ZNF518A: variants seen among roughly 807,000 people sequenced by gnomAD.
The protein encoded by ZNF518A is zinc finger protein 518A, also known as zinc finger protein 518.
Under a neutral mutation model 102.7 loss-of-function variants are expected in ZNF518A, and 47 were observed. The observed-to-expected ratio is 0.46, with a 90% CI of 0.36 to 0.58. The LOEUF (loss-of-function observed/expected upper bound fraction) is 0.58, where lower values mean the gene tolerates loss of function less well. ZNF518A is among the 20% of genes least tolerant of loss of function. ZNF518A has a pLI of 0.00. For missense variants in ZNF518A, 1,793 were observed against 1,699.8 expected (o/e 1.05, Z -0.96); for synonymous variants, 652 against 594.6 (o/e 1.10, Z -1.40).
At chr10:96,151,602 T>C (rs1363742214) in intron 3 of ZNF518A, 2 of 152,206 alleles carry the variant, frequency 1.3e-5, no homozygotes, top group African/African-American at 4.8e-5. Context: ...GAATTATGTC[T>C]CTCACTTCCT....
chr10:96,157,485 C>CA lies in ZNF518A; in HGVS notation c.1164dup (p.Glu389ArgfsTer14). On this transcript the variant is annotated frameshift_variant, in exon 6 of 6. Transcript: ENST00000316045. LOFTEE classifies it high-confidence loss of function. ...GAGAATAATGATAAAGCCCCTGAAT[C>CA]AGAGTCAGAGAAGCCAACTCCTCTG... The CA allele has an allele frequency of 6.2e-7, 1 of 1,613,778 alleles. No individual in the cohort carries two copies. The highest frequency in any genetic ancestry group is 8.5e-7 in the Non-Finnish European group (1 of 1,179,786).
intron 1 of ZNF518A, among the ~76,000 whole-genome samples, chr10:96,194,867 T>C (rs1231259761): frequency 2.8e-5 from 4 of 140,892 alleles, no homozygotes; most frequent in African/African-American, 1.0e-4. Flanking sequence ...GCCTCCCGGG[T>C]TCACGCCATT....
At chr10:96,148,114 T>G (rs587771273) in intron 3 of ZNF518A, among the ~76,000 whole-genome samples, 1 of 152,336 alleles carries the variant, frequency 6.6e-6, no homozygotes, top group Non-Finnish European at 1.5e-5. Flanking sequence ...CTGTTCTTAT[T>G]TCTTATATCC....
In ZNF518A at chr10:96,157,784, A is replaced by T; in HGVS notation, c.1462A>T (p.Thr488Ser). Residue 488 changes from threonine to serine, a missense_variant, in exon 6 of 6, where the codon ACT (threonine) becomes TCT (serine). Physicochemically the swap from Thr to Ser is moderately conservative, Grantham distance 58. Coordinates refer to ENST00000316045, the MANE Select transcript of ZNF518A (RefSeq NM_001330736.2). ...CGGTACTGCTAATTTGCAGCCCCAG[A>T]CTTTGGACACTAATGGATTTTTAAC... ...KDGTANLQPQ[T>S]LDTNGFLTGV... 2 of 1,613,904 alleles carry T rather than the reference A, an allele frequency of 1.2e-6. No homozygotes were observed. Among genetic ancestry groups the T allele is most frequent in the Non-Finnish European group, 1.7e-6 (2 of 1,179,800 alleles).
chr10:96,158,037 CAAG>C lies in ZNF518A; in HGVS notation c.1717_1719del (p.Arg573del). On this transcript the variant is annotated inframe_deletion, in exon 6 of 6. Coordinates refer to ENST00000316045, the MANE Select transcript of ZNF518A (RefSeq NM_001330736.2). ...GTGAATTTGACCACAAAATTTGAAA[CAAG>C]AGATAATGTTGACTTCTGGGGAAAT... 1.2e-6 allele frequency: 2 copies of C among 1,613,744 alleles called. No individual in the cohort carries two copies. Among genetic ancestry groups the C allele is most frequent in the Non-Finnish European group, 1.7e-6 (2 of 1,179,784 alleles).
chr10:96,157,420 A>G lies in ZNF518A; in HGVS notation c.1098A>G (p.Gln366=), dbSNP rs2082747691. The change falls in exon 6 of 6, where the codon CAA becomes CAG. Residue 366 remains glutamine (Q), a synonymous_variant. Coordinates refer to ENST00000316045, the MANE Select transcript of ZNF518A (RefSeq NM_001330736.2). ...TKSEDQSHVV[Q]EHLSEEKDER... is the part of the protein sequence containing the mutation. The stretch of plus-strand genomic sequence containing the variant: ...CTGAAGACCAGAGCCATGTTGTTCA[A>G]GAGCATTTAAGTGAAGAAAAGGATG... 1 of 1,613,304 alleles carries G rather than the reference A, an allele frequency of 6.2e-7. No homozygotes were observed. Among genetic ancestry groups the G allele is most frequent in the South Asian group, 1.1e-5 (1 of 90,988 alleles).
intron 1 of ZNF518A, among the ~76,000 whole-genome samples, chr10:96,186,915 T>C (rs2083275160): frequency 6.6e-6 from 1 of 152,222 alleles, no homozygotes; most frequent in African/African-American, 2.4e-5. Context: ...TCTTGATGCA[T>C]CAAAGGTTAA....
intron 3 of ZNF518A, among the ~76,000 whole-genome samples, chr10:96,134,849 G>T (rs1197985113): frequency 6.6e-6 from 1 of 152,224 alleles, no homozygotes; most frequent in Non-Finnish European, 1.5e-5. Context: ...AGGAAAGTCA[G>T]ATAATTTCAA....
chr10:96,190,050 C>A, intron 1 of ZNF518A: 1 of 810,492 alleles, frequency 1.2e-6, no homozygotes, highest in Non-Finnish European at 2.2e-6. Context: ...CAACAATGTG[C>A]AGTTCATCCT....
chr10:96,178,168 A>G (rs1554891690), intron 1 of ZNF518A, among the ~76,000 whole-genome samples: 2 of 152,134 alleles, frequency 1.3e-5, no homozygotes, highest in African/African-American at 4.8e-5. Flanking sequence ...AAATTAGCAG[A>G]CTATGCCTTC....
chr10:96,146,026 T>G (rs1189091468), intron 3 of ZNF518A, among the ~76,000 whole-genome samples: 1 of 152,224 alleles, frequency 6.6e-6, no homozygotes, highest in African/African-American at 2.4e-5. Flanking sequence ...CTTTTAACTT[T>G]TGACGCATTT....
At chr10:96,173,727 A>G (rs1358988240) in intron 1 of ZNF518A, among the ~76,000 whole-genome samples, 6 of 152,204 alleles carry the variant, frequency 3.9e-5, no homozygotes, top group African/African-American at 1.4e-4. Context: ...AAATAACAAC[A>G]AAAGATTGGC....
At chr10:96,147,227 A>AT (rs1397259192) in intron 3 of ZNF518A, among the ~76,000 whole-genome samples, 3 of 152,210 alleles carry the variant, frequency 2.0e-5, no homozygotes, top group Non-Finnish European at 4.4e-5. Flanking sequence ...TTACCTGGGG[A>AT]TTCTGTCCAA....
At chr10:96,175,272 A>T (rs2083196273) in intron 1 of ZNF518A, among the ~76,000 whole-genome samples, 4 of 152,180 alleles carry the variant, frequency 2.6e-5, no homozygotes, top group Admixed American at 2.6e-4. Context: ...ACATATAAAA[A>T]TAAGTCACTG....
chr10:96,190,291 C>A, intron 1 of ZNF518A: 1 of 668,400 alleles, frequency 1.5e-6, no homozygotes, highest in Non-Finnish European at 2.8e-6. Flanking sequence ...AGAGAACAGC[C>A]ATACAGGATG....
chr10:96,169,979 G>C (rs1554890722), intron 1 of ZNF518A, among the ~76,000 whole-genome samples: 1 of 152,200 alleles, frequency 6.6e-6, no homozygotes, highest in African/African-American at 2.4e-5. Flanking sequence ...AAATCTTCCA[G>C]TGTTTGCTAA....
chr10:96,192,254 G>A (rs146164127), intron 1 of ZNF518A, among the ~76,000 whole-genome samples: 1 of 152,274 alleles, frequency 6.6e-6, no homozygotes, highest in Non-Finnish European at 1.5e-5. Flanking sequence ...AACCTTCAAG[G>A]TGGCAGACCT....
intron 3 of ZNF518A, 85 bp downstream of exon 3, chr10:96,133,733 C>T (rs1172207186): frequency 6.6e-6 from 1 of 152,130 alleles, no homozygotes; most frequent in Admixed American, 6.5e-5. Flanking sequence ...ACTATACCAC[C>T]TTACAGTATT....
intron 1 of ZNF518A, among the ~76,000 whole-genome samples, chr10:96,169,305 A>G (rs2083160426): frequency 6.6e-6 from 1 of 152,154 alleles, no homozygotes; most frequent in Non-Finnish European, 1.5e-5. Context: ...GTGTTTGGCC[A>G]TATGCTGATA....
Sources: gnomAD v4.1 joint callset for allele counts (sites outside exome capture counted in the v4.1 genomes callset) on GRCh38, gnomAD v4.1.1 for gene constraint, MANE v1.5 for transcripts, NCBI Gene and HGNC (gene_info 2026-07-23, HGNC 2026-07-21) for gene names.